The following GNB4 variants were observed in gnomAD, a reference collection of about 807,000 sequenced individuals.
The protein encoded by GNB4 is guanine nucleotide-binding protein subunit beta-4.
In GNB4, 28 loss-of-function variants were observed where a neutral mutation model predicts 45.2. The observed-to-expected ratio is 0.62, with a 90% confidence interval of 0.46 to 0.85. The LOEUF is 0.85. GNB4 is among the 40% of genes least tolerant of loss of function. The pLI is 0.00. For missense variants in GNB4, 321 were observed against 425.4 expected (o/e 0.75, Z 2.16); for synonymous variants, 132 against 143.7 (o/e 0.92, Z 0.58).
chr3:179,414,804 G>A, intron 6 of GNB4, 81 bp downstream of exon 6: 1 of 1,173,188 alleles, frequency 8.5e-7, no homozygotes, highest in Non-Finnish European at 1.2e-6. Context: ...AGCCAGCCGA[G>A]CACAATCTGT....
intron 1 of GNB4, chr3:179,450,929 C>G (rs887423690): frequency 3.3e-5 from 5 of 152,282 alleles, no homozygotes; most frequent in Admixed American, 1.3e-4. Flanking sequence ...CTCCACCCAA[C>G]AGCCCTGCTG....
intron 1 of GNB4, among the ~76,000 whole-genome samples, chr3:179,447,145 T>G (rs1437299133): frequency 1.3e-5 from 2 of 151,858 alleles, no homozygotes; most frequent in Non-Finnish European, 2.9e-5. Flanking sequence ...CTGAATGAAA[T>G]GAGAGGATGA....
the GNB4 span, among the ~76,000 whole-genome samples, chr3:179,526,996 TC>T: frequency 6.6e-6 from 1 of 152,132 alleles, no homozygotes; most frequent in Admixed American, 6.6e-5. Flanking sequence ...TGTGAACTGC[TC>T]CCCAACCCCA....
the GNB4 span, among the ~76,000 whole-genome samples, chr3:179,476,530 C>G: frequency 1.3e-5 from 2 of 152,182 alleles, no homozygotes; most frequent in East Asian, 3.9e-4. Flanking sequence ...CGGAATTGCT[C>G]TAGGGGGGAC....
chr3:179,482,464 A>T, the GNB4 span, among the ~76,000 whole-genome samples: 1 of 152,242 alleles, frequency 6.6e-6, no homozygotes, highest in East Asian at 1.9e-4. Flanking sequence ...TCTAAAAAAT[A>T]GCAATTCTGC....
Position 179,405,306 on chromosome 3 carries a change from T to C in GNB4, c.800A>G (p.Asp267Gly), listed in dbSNP as rs2108579874. ...AGAAGTGATTCCACAGATGATATTG[T>C]CATGAGAATACAATAATAACTCTTG... is the stretch of plus-strand genomic sequence containing the variant. ...ADQELLLYSHDNIICGITSVA... is the reference protein window; with the variant it reads ...ADQELLLYSHGNIICGITSVA... The change falls in exon 9 of 10, where the codon GAC becomes GGC. Residue 267 changes from aspartate to glycine, a missense_variant. Coordinates refer to ENST00000232564, the MANE Select transcript of GNB4 (RefSeq NM_021629.4). 2 of 1,614,164 alleles carry C rather than the reference T, an allele frequency of 1.2e-6. No homozygotes were observed. The highest frequency in any genetic ancestry group is 1.7e-6 in the Non-Finnish European group (2 of 1,179,994).
At chr3:179,415,734 C>A (rs562352306) in intron 5 of GNB4, among the ~76,000 whole-genome samples, 7 of 151,930 alleles carry the variant, frequency 4.6e-5, no homozygotes, top group African/African-American at 1.5e-4. Flanking sequence ...TAAAATAATA[C>A]GCTTAAAATA....
upstream of GNB4, among the ~76,000 whole-genome samples, chr3:179,454,681 C>T (rs1465835601): frequency 2.0e-5 from 3 of 152,122 alleles, no homozygotes; most frequent in Admixed American, 1.3e-4. Flanking sequence ...TCAGACGATG[C>T]CAAGCACACC....
the GNB4 span, among the ~76,000 whole-genome samples, chr3:179,498,749 GT>G: frequency 1.2e-3 from 159 of 130,802 alleles, no homozygotes; most frequent in Non-Finnish European, 1.5e-3. Flanking sequence ...TTGAGGTTTG[GT>G]TTTTTTTTTT....
the GNB4 span, among the ~76,000 whole-genome samples, chr3:179,505,732 A>G: frequency 6.6e-6 from 1 of 152,184 alleles, no homozygotes; most frequent in African/African-American, 2.4e-5. Flanking sequence ...GACACGTTCC[A>G]GCAAAAGCTT....
chr3:179,511,015 C>T, the GNB4 span, among the ~76,000 whole-genome samples: 12 of 152,262 alleles, frequency 7.9e-5, no homozygotes, highest in Non-Finnish European at 1.8e-4. Context: ...TACACAGATG[C>T]GTGATAAACC....
chr3:179,515,638 A>G, the GNB4 span, among the ~76,000 whole-genome samples: 2 of 152,186 alleles, frequency 1.3e-5, no homozygotes, highest in Admixed American at 1.3e-4. Context: ...ATCTGGATGT[A>G]TACATGCAGG....
chr3:179,511,608 T>C, the GNB4 span, among the ~76,000 whole-genome samples: 1 of 152,172 alleles, frequency 6.6e-6, no homozygotes, highest in Admixed American at 6.5e-5. Context: ...TCTTTGTACC[T>C]CAGTCTCCTT....
intron 1 of GNB4, among the ~76,000 whole-genome samples, chr3:179,439,619 T>C (rs1412113279): frequency 6.6e-6 from 1 of 152,208 alleles, no homozygotes; most frequent in African/African-American, 2.4e-5. Flanking sequence ...GGACTCAAAA[T>C]CATCCCTCCA....
the GNB4 span, among the ~76,000 whole-genome samples, chr3:179,483,799 GT>G: frequency 2.0e-5 from 3 of 152,128 alleles, no homozygotes; most frequent in African/African-American, 7.2e-5. Flanking sequence ...TTTTAAGAGA[GT>G]TTTTTCTTTT....
At chr3:179,427,333 G>C (rs1444934260) in intron 1 of GNB4, among the ~76,000 whole-genome samples, 1 of 151,950 alleles carries the variant, frequency 6.6e-6, no homozygotes, top group African/African-American at 2.4e-5. Flanking sequence ...GGTCTGGTGT[G>C]GTGGCTCACG....
At chr3:179,428,626 G>A (rs1041536397) in intron 1 of GNB4, among the ~76,000 whole-genome samples, 5 of 152,058 alleles carry the variant, frequency 3.3e-5, no homozygotes, top group African/African-American at 1.2e-4. Flanking sequence ...AAGAACTATC[G>A]AGGGACCCTA....
chr3:179,511,791 C>T, the GNB4 span, among the ~76,000 whole-genome samples: 3 of 151,794 alleles, frequency 2.0e-5, no homozygotes, highest in African/African-American at 7.3e-5. Flanking sequence ...CTCTTAACAC[C>T]TCATCTGGTG....
the GNB4 span, among the ~76,000 whole-genome samples, chr3:179,499,763 G>A: frequency 6.6e-6 from 1 of 152,182 alleles, no homozygotes; most frequent in Non-Finnish European, 1.5e-5. Context: ...GTTGTCTCCT[G>A]ACTTTTTAAT....
Sources: allele counts gnomAD v4.1 joint callset (sites outside exome capture counted in the v4.1 genomes callset), GRCh38; gene constraint gnomAD v4.1.1; transcripts MANE v1.5; gene names NCBI Gene and HGNC (gene_info 2026-07-23, HGNC 2026-07-21).